PEPD: variants seen among roughly 807,000 people sequenced by gnomAD.
PEPD encodes xaa-Pro dipeptidase.
In PEPD, 53 loss-of-function variants were observed where a neutral mutation model predicts 60.7. The observed-to-expected ratio is 0.87, with a 90% CI of 0.70 to 1.10. PEPD has a LOEUF of 1.10. PEPD is among the 50% of genes least tolerant of loss of function. The probability of loss-of-function intolerance (pLI) is 0.00; values close to 1 mark genes in which losing one functional copy is unlikely to be tolerated. For synonymous variants in PEPD, 267 were observed against 284.1 expected (o/e 0.94, Z 0.60); for missense variants, 711 against 711.9 (o/e 1.00, Z 0.01).
intron 1 of PEPD, among the ~76,000 whole-genome samples, chr19:33,514,162 G>T (rs1970984483): frequency 6.6e-6 from 1 of 152,172 alleles, no homozygotes; most frequent in African/African-American, 2.4e-5. Context: ...GTAAGCAGGG[G>T]CAGGGTGTGC....
chr19:33,387,139 G>C lies in PEPD; in HGVS notation c.*205C>G, dbSNP rs1968087386. ...CATTTAATAAGCAAGGTATAAAACA[G>C]ATTAAAGGTGGGAGCCTGCAAAAGG... On this transcript the variant is annotated 3_prime_UTR_variant, in exon 15 of 15. Transcript: ENST00000244137. 1.6e-6 allele frequency: 1 copy of C among 607,242 alleles called. No individual in the cohort carries two copies. Among genetic ancestry groups the C allele is most frequent in the Non-Finnish European group, 2.9e-6 (1 of 343,280 alleles). 37.6% of individuals were successfully genotyped at this position (607,242 alleles called of 1,614,324 possible). A position where few individuals can be genotyped will look rare whatever the true frequency, so the allele number is the denominator to read the frequency against.
chr19:33,453,344 A>ATAAATAAATAAAT (rs10528181), intron 9 of PEPD, among the ~76,000 whole-genome samples: 2 of 151,752 alleles, frequency 1.3e-5, no homozygotes, highest in African/African-American at 4.9e-5. Context: ...AAATAAATAA[A>ATAAATAAATAAAT]AAAGCAACAA....
intron 9 of PEPD, among the ~76,000 whole-genome samples, chr19:33,419,858 T>C (rs1199447165): frequency 2.0e-5 from 3 of 151,848 alleles, no homozygotes; most frequent in Admixed American, 6.5e-5. Context: ...AGCTGGGGTC[T>C]GAGAGAGGCC....
intron 6 of PEPD, among the ~76,000 whole-genome samples, chr19:33,487,540 G>A (rs1238121259): frequency 3.9e-5 from 6 of 152,204 alleles, no homozygotes; most frequent in African/African-American, 1.4e-4. Context: ...CCAAGTCAGA[G>A]ACTCGGCCAG....
intron 9 of PEPD, among the ~76,000 whole-genome samples, chr19:33,426,109 T>C (rs1002653349): frequency 1.3e-5 from 2 of 152,214 alleles, no homozygotes; most frequent in African/African-American, 4.8e-5. Context: ...TGTGAGCCAC[T>C]GTGCCAGGCC....
Position 33,478,049 on chromosome 19 carries a change from T to G in PEPD, c.545A>C (p.Glu182Ala), listed in dbSNP as rs1389401350. ...GGTGACCACAGGCCGTACTCACCAC[T>G]CAACGATCTCTGGGTGAAGAATGGT... is the stretch of plus-strand genomic sequence containing the variant. Reference protein sequence around the residue: ...NNTILHPEIVECRVFKTDMEL... With the variant: ...NNTILHPEIVACRVFKTDMEL... The change falls in exon 7 of 15, where the codon GAG becomes GCG. Residue 182 changes from glutamate to alanine, a missense_variant. By Grantham distance (107) the Glu-to-Ala change is moderately radical. Coordinates refer to ENST00000244137, the MANE Select transcript of PEPD (RefSeq NM_000285.4). 1 of 1,609,700 alleles carries G rather than the reference T, an allele frequency of 6.2e-7. No homozygotes were observed. The highest frequency in any genetic ancestry group is 8.5e-7 in the Non-Finnish European group (1 of 1,176,848).
At chr19:33,489,923 C>A in intron 6 of PEPD, 73 bp downstream of exon 6, 1 of 865,574 alleles carries the variant, frequency 1.2e-6, no homozygotes, top group Non-Finnish European at 1.9e-6. Flanking sequence ...TATTTGTAGA[C>A]CGGGAAAGAC....
chr19:33,470,651 G>A (rs1035870671), intron 7 of PEPD, among the ~76,000 whole-genome samples: 5 of 152,054 alleles, frequency 3.3e-5, no homozygotes, highest in African/African-American at 1.2e-4. Context: ...TCCCAGCACC[G>A]GCACAGACAC....
intron 4 of PEPD, among the ~76,000 whole-genome samples, chr19:33,497,460 G>A (rs1600163803): frequency 6.6e-6 from 1 of 152,382 alleles, no homozygotes; most frequent in African/African-American, 2.4e-5. Flanking sequence ...CTTCTCAGGG[G>A]AACTGCCTTC....
chr19:33,507,853 AG>A (rs1970842726), intron 3 of PEPD, among the ~76,000 whole-genome samples: 1 of 152,096 alleles, frequency 6.6e-6, no homozygotes, highest in African/African-American at 2.4e-5. Flanking sequence ...AGACTCAGAC[AG>A]GGTCACTCCA....
chr19:33,453,593 CATA>C (rs1969740794), intron 9 of PEPD, among the ~76,000 whole-genome samples: 1 of 152,146 alleles, frequency 6.6e-6, no homozygotes, highest in African/African-American at 2.4e-5. Flanking sequence ...TTTTTTGAGA[CATA>C]ATGTTATTGC....
At chr19:33,414,557 C>A (rs1232651889) in intron 9 of PEPD, among the ~76,000 whole-genome samples, 2 of 152,186 alleles carry the variant, frequency 1.3e-5, no homozygotes, top group Non-Finnish European at 2.9e-5. Context: ...GGTCCACCTG[C>A]CACCACGTGA....
At chr19:33,416,720 T>A (rs1968899131) in intron 9 of PEPD, among the ~76,000 whole-genome samples, 1 of 152,214 alleles carries the variant, frequency 6.6e-6, no homozygotes, top group African/African-American at 2.4e-5. Flanking sequence ...ATGTGGCCAT[T>A]CCTCTAACAC....
chr19:33,463,147 G>A, intron 8 of PEPD, 106 bp from the exon 9 acceptor site: 1 of 794,888 alleles, frequency 1.3e-6, no homozygotes, highest in South Asian at 1.4e-5. Context: ...CTTTAAAAAG[G>A]AAAAAAAGAA....
chr19:33,488,802 T>G (rs1257233083), intron 6 of PEPD, among the ~76,000 whole-genome samples: 1 of 151,986 alleles, frequency 6.6e-6, no homozygotes, highest in African/African-American at 2.4e-5. Flanking sequence ...CAGCTTGGGC[T>G]CATACATAAT....
At chr19:33,511,330 AGTTTG>A in intron 2 of PEPD, 175 bp from the exon 3 acceptor site, 1 of 661,752 alleles carries the variant, frequency 1.5e-6, no homozygotes, top group South Asian at 1.6e-5. Context: ...ATCCTCCCGT[AGTTTG>A]GCAGGGGGCA....
At chr19:33,498,962 G>T (rs1568503729) in intron 4 of PEPD, among the ~76,000 whole-genome samples, 1 of 152,190 alleles carries the variant, frequency 6.6e-6, no homozygotes, top group African/African-American at 2.4e-5. Flanking sequence ...GACCTGAAGG[G>T]TCAAGGTTTC....
intron 12 of PEPD, among the ~76,000 whole-genome samples, chr19:33,397,829 C>A (rs1406834042): frequency 6.6e-6 from 1 of 152,214 alleles, no homozygotes; most frequent in Non-Finnish European, 1.5e-5. Context: ...ATGAACCAGG[C>A]AGCACCACGG....
chr19:33,513,205 C>T (rs1275244563), intron 1 of PEPD, among the ~76,000 whole-genome samples: 1 of 152,118 alleles, frequency 6.6e-6, no homozygotes, highest in East Asian at 1.9e-4. Flanking sequence ...CCCGGCTCAA[C>T]CTCCCTGCTA....
Sources: allele counts gnomAD v4.1 joint callset (sites outside exome capture counted in the v4.1 genomes callset), GRCh38; gene constraint gnomAD v4.1.1; transcripts MANE v1.5; gene names NCBI Gene and HGNC (gene_info 2026-07-23, HGNC 2026-07-21).